Variants in IKZF5 observed in about 807,000 individuals in gnomAD.
IKZF5 encodes the protein zinc finger protein Pegasus.
Under a neutral mutation model 30.7 loss-of-function variants are expected in IKZF5, and 4 were observed. The ratio of observed to expected loss-of-function variants is 0.13; its 90% confidence interval spans 0.06 to 0.30. The LOEUF is 0.30. Ranked by LOEUF, IKZF5 falls within the 10% of genes least tolerant of loss-of-function variation. IKZF5 has a pLI of 1.00. For synonymous variants in IKZF5, 148 were observed against 179.6 expected (o/e 0.82, Z 1.41); for missense variants, 348 against 525.5 (o/e 0.66, Z 3.30).
rs1221530889 is a variant in IKZF5, at chr10:122,991,632, A to G, written c.*2148T>C. 1.3e-5 allele frequency: 2 copies of G among 152,222 alleles called. No homozygotes were observed. Among genetic ancestry groups the G allele is most frequent in the African/African-American group, 2.4e-5 (1 of 41,476 alleles). 9.4% of individuals were successfully genotyped at this position (152,222 alleles called of 1,614,324 possible). ...AAATACCATACCAAAAAAGCCTCTA[A>G]GGTAGATTTGCCTCAAACATTTTAG... On this transcript the variant is annotated 3_prime_UTR_variant, in exon 5 of 5. Transcript: ENST00000368886.
chr10:123,006,599 G>A (rs1367807972), intron 2 of IKZF5, among the ~76,000 whole-genome samples: 1 of 152,158 alleles, frequency 6.6e-6, no homozygotes, highest in Non-Finnish European at 1.5e-5. Context: ...AGCAGGATAT[G>A]TTTCGTTCAC....
chr10:122,994,902 G>A lies in IKZF5; in HGVS notation c.317-179C>T. On this transcript the variant is annotated intron_variant, in intron 4 of 4. Transcript: ENST00000368886. The surrounding 1 kb of genome is among the most constrained non-coding windows in gnomAD (Gnocchi z 5.6). ...AAATAAACCCACAAATTGAAATAAA[G>A]CTTAAGAACTCATCAGCAACAACCT... 1.7e-6 allele frequency: 1 copy of A among 590,502 alleles called. No individual in the cohort carries two copies. Among genetic ancestry groups the A allele is most frequent in the Non-Finnish European group, 2.9e-6 (1 of 340,032 alleles). 36.6% of individuals were successfully genotyped at this position (590,502 alleles called of 1,614,324 possible).
chr10:123,008,585 T>G (rs995652821), intron 1 of IKZF5, 109 bp downstream of exon 1: 6 of 288,068 alleles, frequency 2.1e-5, no homozygotes, highest in Non-Finnish European at 3.5e-5. Flanking sequence ...TGAGTCTCCG[T>G]CCGGATCAGC....
intron 2 of IKZF5, 41 bp from the exon 3 acceptor site, chr10:122,998,712 G>C: frequency 2.7e-6 from 3 of 1,128,378 alleles, no homozygotes; most frequent in Non-Finnish European, 3.8e-6. Context: ...CTAGTACATA[G>C]CAAACAAATG....
chr10:122,995,541 A>G (rs9423243), intron 4 of IKZF5, among the ~76,000 whole-genome samples: 88,830 of 152,064 alleles, frequency 0.58, 27,212 homozygotes, highest in Non-Finnish European at 0.69. Context: ...TCTTGGGCAG[A>G]GGGCAGATGT....
chr10:122,998,141 C>G (rs1438174133), intron 3 of IKZF5: 1 of 164,584 alleles, frequency 6.1e-6, no homozygotes, highest in African/African-American at 2.4e-5. Context: ...CTATTTTTAT[C>G]TCAGGTCGAA....
Position 122,994,442 on chromosome 10 carries a change from T to C in IKZF5, c.598A>G (p.Ser200Gly). 6.2e-7 allele frequency: 1 copy of C among 1,614,134 alleles called. No individual in the cohort carries two copies. The highest frequency in any genetic ancestry group is 8.5e-7 in the Non-Finnish European group (1 of 1,180,030). Residue 200 changes from serine (S) to glycine (G), a missense_variant, in exon 5 of 5, where the codon AGT becomes GGT. By Grantham distance (56) the Ser-to-Gly change is moderately conservative (BLOSUM62 0). This residue lies in a region of IKZF5 where 176 missense variants were observed against 198.2 expected (regional missense o/e 0.89). Transcript: ENST00000368886. This position sits in a 1 kb window ranked among gnomAD's most constrained non-coding sequence, Gnocchi z 5.6. ...TTCTGAACCACCATGGAAGGTGGAC[T>C]TAAGTTGATTAGTGCTCTTCTGCTA... is the stretch of plus-strand genomic sequence containing the variant. ...GYSRRALINLSPPSMVVQKPD... is the reference protein window; with the variant it reads ...GYSRRALINLGPPSMVVQKPD...
rs779478458 is a variant in IKZF5 at position 123,003,242 on chromosome 10, G to GT, written c.-47+3783dup. 4.6e-3 allele frequency among the ~76,000 whole-genome samples: 401 copies of GT among 87,532 alleles called. 1 individual carries two copies. The highest frequency in any genetic ancestry group is 0.022 in the Middle Eastern group (3 of 136). 57.4% of individuals were successfully genotyped at this position (87,532 alleles called of 152,430 possible). On this transcript the variant is annotated intron_variant, in intron 2 of 4. Transcript: ENST00000368886. ...AGAGAGGGGGTTTCACCAGACTTTT[G>GT]TGGGGGGGGGGGTCATAATTCCCTA... is the stretch of plus-strand genomic sequence containing the variant.
At chr10:123,000,628 T>C (rs940170030) in intron 2 of IKZF5, among the ~76,000 whole-genome samples, 74 of 152,254 alleles carry the variant, frequency 4.9e-4, no homozygotes, top group Non-Finnish European at 9.7e-4. Context: ...TTTTAGATAA[T>C]GTCAAATAGG....
chr10:123,003,178 C>T (rs61863178), intron 2 of IKZF5, among the ~76,000 whole-genome samples: 42,103 of 143,608 alleles, frequency 0.29, 7,479 homozygotes, highest in Non-Finnish European at 0.39. Flanking sequence ...TTACAGGTGC[C>T]CGCTACCACA....
At chr10:123,007,218 A>C (rs1849824241) in intron 1 of IKZF5, 42 bp from the exon 2 acceptor site, 1 of 152,248 alleles carries the variant, frequency 6.6e-6, no homozygotes, top group Non-Finnish European at 1.5e-5. Context: ...CAAAACCTTT[A>C]AGATAAAAAC....
chr10:123,008,454 G>C (rs559216034), intron 1 of IKZF5: 1 of 160,536 alleles, frequency 6.2e-6, no homozygotes, highest in East Asian at 1.8e-4. Flanking sequence ...AATGACAGCA[G>C]GAGACCCCGC....
chr10:123,000,691 C>T (rs1439945459), intron 2 of IKZF5, among the ~76,000 whole-genome samples: 1 of 152,222 alleles, frequency 6.6e-6, no homozygotes, highest in Non-Finnish European at 1.5e-5. Context: ...AACAAAACTG[C>T]TGCTGCTCCA....
At chr10:123,001,040 C>T (rs1849564385) in intron 2 of IKZF5, among the ~76,000 whole-genome samples, 1 of 150,340 alleles carries the variant, frequency 6.7e-6, no homozygotes, top group African/African-American at 2.5e-5. Flanking sequence ...AACAGAATCT[C>T]ACTCTGTCGC....
chr10:123,006,792 G>A (rs985036499), intron 2 of IKZF5, among the ~76,000 whole-genome samples: 1 of 152,158 alleles, frequency 6.6e-6, no homozygotes, highest in Non-Finnish European at 1.5e-5. Context: ...GATTTACTCT[G>A]CTATAGAACA....
intron 3 of IKZF5, among the ~76,000 whole-genome samples, chr10:122,996,709 CAAAG>C (rs965108272): frequency 9.9e-5 from 15 of 152,114 alleles, no homozygotes; most frequent in African/African-American, 3.6e-4. Context: ...GTCTCAAAAA[CAAAG>C]AAAACAAAAT....
chr10:123,005,146 T>A (rs7899321), intron 2 of IKZF5, among the ~76,000 whole-genome samples: 86,098 of 148,974 alleles, frequency 0.58, 25,972 homozygotes, highest in Non-Finnish European at 0.69. Context: ...AAAAAAAAAA[T>A]TTCTGGAACT....
intron 2 of IKZF5, among the ~76,000 whole-genome samples, chr10:123,001,482 T>A (rs1053926961): frequency 2.6e-5 from 4 of 152,228 alleles, no homozygotes; most frequent in Non-Finnish European, 4.4e-5. Context: ...TTACCTTTCA[T>A]ATTTTTATCT....
rs1229211269 is a variant in IKZF5 at position 123,008,768 on chromosome 10, T to C, written c.-272A>G. The stretch of plus-strand genomic sequence containing the variant: ...GCCGCCGCCGCCGTCTTCGTCACCG[T>C]CACAGTCGCCGCCGCCATCTTTGTT... On this transcript the variant is annotated 5_prime_UTR_variant, in exon 1 of 5. Transcript: ENST00000368886. The C allele has an allele frequency of 8.2e-6, 5 of 607,836 alleles. No homozygotes were observed. The highest frequency in any genetic ancestry group is 5.5e-5 in the African/African-American group (3 of 54,202). The allele number at this position is 607,836 out of a possible 1,614,324, so 37.7% of individuals were successfully genotyped here.
Sources: allele counts gnomAD v4.1 joint callset (sites outside exome capture counted in the v4.1 genomes callset), GRCh38; gene constraint gnomAD v4.1.1; regional missense constraint gnomAD v4.1.1; non-coding constraint Gnocchi (gnomAD v3.1); transcripts MANE v1.5; gene names NCBI Gene and HGNC (gene_info 2026-07-23, HGNC 2026-07-21).